Variants in NBPF15 observed in about 807,000 individuals in gnomAD.
NBPF15 encodes the protein NBPF member 15.
A neutral mutation model predicts 62.2 loss-of-function variants in NBPF15; 74 were observed. The ratio of observed to expected loss-of-function variants is 1.19; its 90% CI spans 0.99 to 1.44. The LOEUF (loss-of-function observed/expected upper bound fraction) is 1.44. Among genes scored for constraint, NBPF15 ranks in the 40% most tolerant of loss-of-function variants. The pLI, the probability that NBPF15 is intolerant of heterozygous loss-of-function variation, is 0.00. For synonymous variants in NBPF15, 244 were observed against 209.7 expected, an observed-to-expected ratio of 1.16 and a Z score of -1.41; for missense variants, 790 against 550.0, an observed-to-expected ratio of 1.44 and a Z score of -4.36.
At chr1:144,445,332 A>AATATATATATACATATATATAT (rs1261424332) in intron 6 of NBPF15, among the ~76,000 whole-genome samples, 1 of 92,544 alleles carries the variant, frequency 1.1e-5, no homozygotes, top group African/African-American at 4.0e-5. Flanking sequence ...CAAAACGGTG[A>AATATATATATACATATATATAT]ATATATATAT....
chr1:144,455,463 G>A (rs1231276940), intron 4 of NBPF15, among the ~76,000 whole-genome samples: 2 of 151,956 alleles, frequency 1.3e-5, no homozygotes, highest in Non-Finnish European at 1.5e-5. Context: ...TTCCTCCTCT[G>A]AAACACATTA....
At chr1:144,453,258 G>A (rs1692306196) in intron 4 of NBPF15, among the ~76,000 whole-genome samples, 2 of 151,060 alleles carry the variant, frequency 1.3e-5, no homozygotes, top group South Asian at 4.2e-4. Flanking sequence ...TCCAACTAGT[G>A]GTGCTAGAAC....
At chr1:144,439,485 G>T (rs1396728282) in intron 8 of NBPF15, among the ~76,000 whole-genome samples, 1 of 151,974 alleles carries the variant, frequency 6.6e-6, no homozygotes, top group Non-Finnish European at 1.5e-5. Flanking sequence ...TAGAACAACA[G>T]ACTAGATGTT....
intron 14 of NBPF15, among the ~76,000 whole-genome samples, chr1:144,429,375 T>A (rs1672511003): frequency 6.6e-6 from 1 of 151,288 alleles, no homozygotes; most frequent in African/African-American, 2.5e-5. Context: ...TTAATTCAGA[T>A]GAGCTGAGCT....
intron 4 of NBPF15, among the ~76,000 whole-genome samples, chr1:144,452,110 C>A (rs1558619257): frequency 6.6e-6 from 1 of 151,482 alleles, no homozygotes; most frequent in Non-Finnish European, 1.5e-5. Flanking sequence ...TGAGATGGCG[C>A]CGTTGCATTC....
rs782540500 is a variant in NBPF15, at chr1:144,423,073, A to T, written c.1953T>A (p.Phe651Leu). 6.2e-7 allele frequency: 1 copy of T among 1,611,538 alleles called. No homozygotes were observed. The change falls in exon 22 of 22, where the codon TTT becomes TTA. Residue 651 changes from phenylalanine (F) to leucine (L), a missense_variant. Phe to Leu is a conservative substitution (Grantham distance 22). Transcript: ENST00000581897. The stretch of plus-strand genomic sequence containing the variant: ...GGTGGAGACTTGTCACCGTCAAAGT[A>T]AAAAACCTATTGTCCACGTAAAGGG... Reference protein sequence around the residue: ...SFALYVDNRFFTLTVTSLHLV... With the variant: ...SFALYVDNRFLTLTVTSLHLV...
At chr1:144,441,220 T>C (rs1682697942) in intron 6 of NBPF15, among the ~76,000 whole-genome samples, 1 of 151,294 alleles carries the variant, frequency 6.6e-6, no homozygotes, top group East Asian at 1.9e-4. Context: ...AGGGATGGAG[T>C]TGCTTGGTGA....
Position 144,423,161 on chromosome 1 carries a change from G to C in NBPF15, c.1865C>G (p.Pro622Arg). The C allele has an allele frequency of 3.7e-6, 6 of 1,611,586 alleles. No homozygotes were observed. Among genetic ancestry groups the C allele is most frequent in the Non-Finnish European group, 5.1e-6 (6 of 1,179,618 alleles). Residue 622 changes from proline to arginine, a missense_variant, in exon 22 of 22, where the codon CCT becomes CGT. Physicochemically the swap from Pro to Arg is moderately radical, Grantham distance 103 (BLOSUM62 -2). Coordinates refer to ENST00000581897, the MANE Select transcript of NBPF15 (RefSeq NM_001385408.1). The stretch of plus-strand genomic sequence containing the variant: ...ACTTCTGTAGTGCTGGAATGAGTCA[G>C]GTTGTTCAAAGTACATTGACGGAGT... The part of the protein sequence containing the change: ...YSTPSMYFEQ[P>R]DSFQHYRSVF...
chr1:144,447,756 CTGT>C (rs1688605759), intron 6 of NBPF15, among the ~76,000 whole-genome samples: 1 of 152,234 alleles, frequency 6.6e-6, no homozygotes, highest in South Asian at 2.1e-4. Context: ...TTATTTTCAA[CTGT>C]TGTTCCAACA....
chr1:144,456,091 C>T (rs199964826), intron 4 of NBPF15, among the ~76,000 whole-genome samples: 1 of 151,782 alleles, frequency 6.6e-6, no homozygotes, highest in African/African-American at 2.4e-5. Flanking sequence ...ACACACATCT[C>T]CCCACCCAGG....
In NBPF15 at chr1:144,439,925, G is replaced by A. The variant is rs1249009755; in HGVS notation, c.79C>T (p.Gln27Ter). The change falls in exon 8 of 22, where the codon CAG (glutamine) becomes TAG (stop). Residue 27 changes from glutamine (Q) to a stop codon, truncating the protein, a stop_gained. Coordinates refer to ENST00000581897, the MANE Select transcript of NBPF15 (RefSeq NM_001385408.1). LOFTEE classifies it high-confidence loss of function. Reference protein sequence around the residue: ...ILEINEKLRPQLAEKKQQFRN... With the variant: ...ILEINEKLRP ...AACTGCTGTTTCTTCTCTGCCAACTGGGGGCGCAATTTCTCATTGATTTCT... is the reference window on the plus strand; with the variant it reads ...AACTGCTGTTTCTTCTCTGCCAACTAGGGGCGCAATTTCTCATTGATTTCT... The A allele has an allele frequency of 2.5e-6, 4 of 1,611,310 alleles. No individual in the cohort carries two copies. Among genetic ancestry groups the A allele is most frequent in the Non-Finnish European group, 2.5e-6 (3 of 1,179,214 alleles).
intron 4 of NBPF15, among the ~76,000 whole-genome samples, 178 bp from the exon 5 acceptor site, chr1:144,451,048 G>A (rs1308313763): frequency 4.6e-5 from 7 of 151,990 alleles, no homozygotes; most frequent in Non-Finnish European, 8.8e-5. Context: ...TGCCAGCACT[G>A]GCCTCTGAGT....
intron 4 of NBPF15, among the ~76,000 whole-genome samples, chr1:144,455,986 G>A (rs11809258): frequency 0.069 from 10,499 of 151,804 alleles, 1,144 homozygotes; most frequent in African/African-American, 0.24. Context: ...AGATGGGAAC[G>A]GCCTTCAAAA....
chr1:144,434,532 T>C (rs1186001929), intron 12 of NBPF15, among the ~76,000 whole-genome samples: 2 of 136,064 alleles, frequency 1.5e-5, no homozygotes, highest in Non-Finnish European at 3.1e-5. Context: ...TCCACGATGC[T>C]ACAAAGAAAC....
intron 6 of NBPF15, among the ~76,000 whole-genome samples, chr1:144,442,125 A>T (rs1683430714): frequency 8.8e-5 from 1 of 11,338 alleles, no homozygotes; most frequent in South Asian, 4.6e-3. Context: ...TAATATATAT[A>T]CACGTGTATA....
chr1:144,446,671 C>T (rs1687763182), intron 6 of NBPF15, among the ~76,000 whole-genome samples: 1 of 152,068 alleles, frequency 6.6e-6, no homozygotes, highest in South Asian at 2.1e-4. Flanking sequence ...TTGCCAAATG[C>T]TTTTACTGTG....
In NBPF15 at chr1:144,426,398, G is replaced by C; in HGVS notation, c.1318C>G (p.Leu440Val). Residue 440 changes from leucine (L) to valine (V), a missense_variant, in exon 18 of 22, where the codon CTG (leucine) becomes GTG (valine). Leu to Val is a conservative substitution (Grantham distance 32). Coordinates refer to ENST00000581897, the MANE Select transcript of NBPF15 (RefSeq NM_001385408.1). The stretch of plus-strand genomic sequence containing the variant: ...GAAGGAGTCGAATAACATCTATCCA[G>C]TGAGTCCTGCAAGACTTCAGGCTCT... ...EKEPEVLQDS[L>V]DRCYSTPSDY... 1.2e-6 allele frequency: 1 copy of C among 822,632 alleles called. No homozygotes were observed. Among genetic ancestry groups the C allele is most frequent in the Non-Finnish European group, 2.2e-6 (1 of 459,038 alleles). The allele number at this position is 822,632 out of a possible 1,614,324, so 51.0% of individuals were successfully genotyped here.
At chr1:144,451,104 G>T (rs587631857) in intron 4 of NBPF15, among the ~76,000 whole-genome samples, 2 of 151,974 alleles carry the variant, frequency 1.3e-5, no homozygotes, top group Admixed American at 6.5e-5. Flanking sequence ...CGGAGAGGGG[G>T]ATGTGGCAGG....
chr1:144,432,239 T>C (rs1553540323), intron 13 of NBPF15, among the ~76,000 whole-genome samples: 2 of 151,834 alleles, frequency 1.3e-5, no homozygotes, highest in Non-Finnish European at 2.9e-5. Context: ...AAATAAATCC[T>C]TTACAGAGAA....
Sources: allele counts gnomAD v4.1 joint callset (sites outside exome capture counted in the v4.1 genomes callset), GRCh38; gene constraint gnomAD v4.1.1; transcripts MANE v1.5; gene names NCBI Gene and HGNC (gene_info 2026-07-23, HGNC 2026-07-21).